The following SIRT2 variants were observed in gnomAD, a reference collection of about 807,000 sequenced individuals.
The protein encoded by SIRT2 is NAD-dependent protein deacetylase sirtuin-2.
In SIRT2, 40 loss-of-function variants were observed where a neutral mutation model predicts 57.4. That is an observed-to-expected ratio of 0.70 (90% confidence interval 0.54 to 0.91). The LOEUF is 0.91. Among genes scored for constraint, SIRT2 ranks in the 40% least tolerant of loss-of-function variants. The pLI is 0.00. For synonymous variants in SIRT2, 161 were observed against 195.7 expected (o/e 0.82, Z 1.48); for missense variants, 439 against 510.4 (o/e 0.86, Z 1.35).
Position 38,878,731 on chromosome 19 carries a change from T to G in SIRT2, c.*424A>C. On this transcript the variant is annotated 3_prime_UTR_variant, in exon 16 of 16. Coordinates refer to ENST00000249396, the MANE Select transcript of SIRT2 (RefSeq NM_012237.4). Reference sequence around the variant, plus strand: ...CCCCCTACGCTGGGTGTGGGTTATATTCAGAGGCCCACACCCACACTGGGG... The same window carrying G: ...CCCCCTACGCTGGGTGTGGGTTATAGTCAGAGGCCCACACCCACACTGGGG... 1 of 159,556 alleles carries G rather than the reference T, an allele frequency of 6.3e-6. No individual in the cohort carries two copies. The highest frequency in any genetic ancestry group is 1.4e-5 in the Non-Finnish European group (1 of 73,034). 9.9% of individuals were successfully genotyped at this position (159,556 alleles called of 1,614,324 possible).
chr19:38,894,877 A>G (rs186737468), intron 2 of SIRT2: 1 of 455,952 alleles, frequency 2.2e-6, no homozygotes, highest in African/African-American at 2.0e-5. Context: ...CACTCATGAT[A>G]CCATCTCTCT....
At chr19:38,881,808 C>T (rs1973164031) in intron 9 of SIRT2, among the ~76,000 whole-genome samples, 2 of 151,852 alleles carry the variant, frequency 1.3e-5, no homozygotes, top group Non-Finnish European at 2.9e-5. Flanking sequence ...CTGCCTCAGC[C>T]TCCTGAGTAG....
chr19:38,890,276 C>T lies in SIRT2; in HGVS notation c.227-132G>A, dbSNP rs1973492115. On this transcript the variant is annotated intron_variant, in intron 4 of 15. Coordinates refer to ENST00000249396, the MANE Select transcript of SIRT2 (RefSeq NM_012237.4). ...GCAAGCATCTCAGATGCATGACGGG[C>T]CTTCCAATCATCTAGACGGGGATGG... 4 of 821,006 alleles carry T rather than the reference C, an allele frequency of 4.9e-6. No individual in the cohort carries two copies. The African/African-American group carries it at 5.1e-5, about 10-fold the overall frequency. 50.9% of individuals were successfully genotyped at this position (821,006 alleles called of 1,614,324 possible).
At position 38,881,498 on chromosome 19, in the gene SIRT2, A is replaced by G. The variant is rs377754468; in HGVS notation, c.632-7T>C. On this transcript the variant is annotated splice_polypyrimidine_tract_variant and splice_region_variant and intron_variant, in intron 9 of 15. Coordinates refer to ENST00000249396, the MANE Select transcript of SIRT2 (RefSeq NM_012237.4). ...ACCTCAGAGAAGATCTTCTCTGGGT[A>G]TGGGGAAGGGGAAGAAAGAGAAGGC... The G allele has an allele frequency of 3.1e-6, 5 of 1,612,204 alleles. No individual in the cohort carries two copies. Among genetic ancestry groups the G allele is most frequent in the Admixed American group, 1.7e-5 (1 of 59,934 alleles).
chr19:38,879,460 C>T lies in SIRT2; in HGVS notation c.988G>A (p.Ala330Thr), dbSNP rs2144662814. The T allele has an allele frequency of 1.2e-6, 2 of 1,601,346 alleles. No homozygotes were observed. The highest frequency in any genetic ancestry group is 2.3e-5 in the East Asian group (1 of 44,340). ...WLGECDQGCL[A>T]LAELLGWKKE... ...TTCCATCCAAGGAGCTCAGCAAGGG[C>T]CAGGCAGCCCTGGTCGCATTCACCC... is the stretch of plus-strand genomic sequence containing the variant. The change falls in exon 15 of 16, where the codon GCC (alanine) becomes ACC (threonine). Residue 330 changes from alanine to threonine, a missense_variant. Ala to Thr is a moderately conservative substitution (Grantham distance 58). Coordinates refer to ENST00000249396, the MANE Select transcript of SIRT2 (RefSeq NM_012237.4).
At chr19:38,897,273 C>G (rs1349537149) in intron 2 of SIRT2, among the ~76,000 whole-genome samples, 1 of 152,162 alleles carries the variant, frequency 6.6e-6, no homozygotes, top group Non-Finnish European at 1.5e-5. Flanking sequence ...ACCAGCCACC[C>G]AATTATGGAA....
In SIRT2 at chr19:38,889,672, C is replaced by T. The variant is rs1469000070; in HGVS notation, c.432+17G>A. 6.2e-7 allele frequency: 1 copy of T among 1,613,564 alleles called. No homozygotes were observed. The highest frequency in any genetic ancestry group is 1.1e-5 in the South Asian group (1 of 91,052). On this transcript the variant is annotated intron_variant, in intron 7 of 15. Coordinates refer to ENST00000249396, the MANE Select transcript of SIRT2 (RefSeq NM_012237.4). ...CCAACCCTTCCTGTTTCGCCCCCTG[C>T]AAAACAAAGATCTCACCTTGAACTG...
intron 4 of SIRT2, among the ~76,000 whole-genome samples, chr19:38,892,432 C>G (rs1297672991): frequency 6.6e-6 from 1 of 151,920 alleles, no homozygotes. Flanking sequence ...AAATTTCATG[C>G]TGACTCAGTA....
In SIRT2 at chr19:38,880,780, TG is replaced by T; in HGVS notation, c.824+40del. On this transcript the variant is annotated intron_variant, in intron 12 of 15. Transcript: ENST00000249396. This position sits in a 1 kb window ranked among gnomAD's most constrained non-coding sequence, Gnocchi z 4.1. ...AAGGGGTCAGGGTCTGTCCTGGCCCTGGGTGCCCAGCCGTCCTCCCAGCCAC... is the reference window on the plus strand; with the variant it reads ...AAGGGGTCAGGGTCTGTCCTGGCCCTGGTGCCCAGCCGTCCTCCCAGCCAC... The T allele has an allele frequency of 6.2e-7, 1 of 1,611,756 alleles. No homozygotes were observed. Among genetic ancestry groups the T allele is most frequent in the Non-Finnish European group, 8.5e-7 (1 of 1,178,330 alleles).
chr19:38,881,433 A>G lies in SIRT2; in HGVS notation c.690T>C (p.Pro230=). 6.2e-7 allele frequency: 1 copy of G among 1,613,966 alleles called. No individual in the cohort carries two copies. Among genetic ancestry groups the G allele is most frequent in the Non-Finnish European group, 8.5e-7 (1 of 1,179,906 alleles). The change falls in exon 10 of 16, where the codon CCT becomes CCC. Residue 230 remains proline, a splice_region_variant and synonymous_variant. Transcript: ENST00000249396. The stretch of plus-strand genomic sequence containing the variant: ...GCAGGTCCCTGGCCAGAGGCTCACC[A>G]GGCTTCACCAGGCTCTGACAGTCTT... The part of the protein sequence containing the change: ...KCEDCQSLVK[P]DIVFFGESLP...
At chr19:38,893,626 C>A in intron 3 of SIRT2, 99 bp from the exon 4 acceptor site, 1 of 1,193,286 alleles carries the variant, frequency 8.4e-7, no homozygotes, top group South Asian at 1.4e-5. Context: ...CCCGGCCTCC[C>A]CACATCTAAA....
At chr19:38,892,187 G>A (rs1257044112) in intron 4 of SIRT2, among the ~76,000 whole-genome samples, 1 of 152,086 alleles carries the variant, frequency 6.6e-6, no homozygotes, top group African/African-American at 2.4e-5. Flanking sequence ...CCTGAGCTCA[G>A]GTGTTCAAGA....
chr19:38,899,342 A>ACCAG (rs959911687), intron 1 of SIRT2, among the ~76,000 whole-genome samples, 164 bp downstream of exon 1: 22 of 152,152 alleles, frequency 1.4e-4, no homozygotes, highest in African/African-American at 5.3e-4. Context: ...CCAGAAACCC[A>ACCAG]CCAGCCTAGC....
intron 2 of SIRT2, chr19:38,894,252 A>C: frequency 8.2e-6 from 2 of 243,650 alleles, no homozygotes; most frequent in Admixed American, 5.0e-5. Flanking sequence ...ACGTGCCACC[A>C]TGCCAGGCTC....
chr19:38,894,770 T>A (rs1222212268), intron 2 of SIRT2: 1 of 455,778 alleles, frequency 2.2e-6, no homozygotes, highest in East Asian at 7.0e-5. Flanking sequence ...AGCTCCAGAC[T>A]GGCAGGTCTC....
intron 9 of SIRT2, among the ~76,000 whole-genome samples, chr19:38,883,412 C>CA (rs1973219893): frequency 6.6e-6 from 1 of 152,032 alleles, no homozygotes; most frequent in Non-Finnish European, 1.5e-5. Context: ...TAAAAACAGC[C>CA]AAAGACAGGA....
rs1217119270 is a variant in SIRT2, at chr19:38,888,763, A to G, written c.501+324T>C. Among the ~76,000 whole-genome samples the G allele has an allele frequency of 2.0e-5, 3 of 152,246 alleles. No homozygotes were observed. In the East Asian group the frequency reaches 5.8e-4, roughly 29 times the overall value. ...AATCTGGGGTGCCTATAGTGCACAC[A>G]GAGTCCCTTCAGCCATAGGCTCCTT... On this transcript the variant is annotated intron_variant, in intron 8 of 15. Transcript: ENST00000249396.
intron 7 of SIRT2, 73 bp from the exon 8 acceptor site, chr19:38,889,228 T>A: frequency 1.4e-6 from 2 of 1,385,578 alleles, no homozygotes; most frequent in Non-Finnish European, 2.1e-6. Context: ...TGCCAGGAAC[T>A]GTTCTAGGCA....
intron 3 of SIRT2, 72 bp from the exon 4 acceptor site, chr19:38,893,599 GC>G (rs1228104416): frequency 7.8e-7 from 1 of 1,274,868 alleles, no homozygotes; most frequent in Non-Finnish European, 1.1e-6. Flanking sequence ...CGGCACCCTG[GC>G]CCCAGCCCTG....
Sources: gnomAD v4.1 joint callset for allele counts (sites outside exome capture counted in the v4.1 genomes callset) on GRCh38, gnomAD v4.1.1 for gene constraint, Gnocchi (gnomAD v3.1) non-coding constraint, MANE v1.5 for transcripts, NCBI Gene and HGNC (gene_info 2026-07-23, HGNC 2026-07-21) for gene names.